Variants in TM7SF2 observed in about 807,000 individuals in gnomAD.
The protein encoded by TM7SF2 is delta(14)-sterol reductase TM7SF2.
Under a neutral mutation model 51.0 loss-of-function variants are expected in TM7SF2, and 51 were observed. The observed-to-expected ratio is 1.00, with a 90% CI of 0.80 to 1.26. TM7SF2 has a LOEUF of 1.26. Among genes scored for constraint, TM7SF2 ranks in the 50% most tolerant of loss-of-function variants. The probability of loss-of-function intolerance (pLI) is 0.00; values close to 1 mark genes in which losing one functional copy is unlikely to be tolerated. For missense variants in TM7SF2, 541 were observed against 547.4 expected, an observed-to-expected ratio of 0.99 and a Z score of 0.12; for synonymous variants, 255 against 241.0, an observed-to-expected ratio of 1.06 and a Z score of -0.54.
rs150748205 is a variant in TM7SF2 at position 65,116,073 on chromosome 11, G to A, written c.*20G>A. On this transcript the variant is annotated 3_prime_UTR_variant, in exon 10 of 10. Transcript: ENST00000279263. Reference sequence around the variant, plus strand: ...TACTGAAGCGGCTCCACCACCCCAGGTGGGGGCATGTGCCCACTCATCCAC... The same window carrying A: ...TACTGAAGCGGCTCCACCACCCCAGATGGGGGCATGTGCCCACTCATCCAC... The A allele has an allele frequency of 3.1e-6, 5 of 1,594,896 alleles. No individual in the cohort carries two copies. The highest frequency in any genetic ancestry group is 1.1e-5 in the South Asian group (1 of 90,690).
At chr11:65,112,998 G>T (rs1947929742) in intron 3 of TM7SF2, 133 bp downstream of exon 3, 20 of 1,193,894 alleles carry the variant, frequency 1.7e-5, no homozygotes, top group Non-Finnish European at 2.2e-5. Flanking sequence ...CAGGACAGAC[G>T]CCGGGGGCTC....
Position 65,116,086 on chromosome 11 carries a change from C to G in TM7SF2, c.*33C>G. On this transcript the variant is annotated 3_prime_UTR_variant, in exon 10 of 10. Coordinates refer to ENST00000279263, the MANE Select transcript of TM7SF2 (RefSeq NM_003273.6). ...CCACCACCCCAGGTGGGGGCATGTG[C>G]CCACTCATCCACCAGCACACCCAGG... is the stretch of plus-strand genomic sequence containing the variant. 3.8e-6 allele frequency: 6 copies of G among 1,589,272 alleles called. No individual in the cohort carries two copies. Among genetic ancestry groups the G allele is most frequent in the Non-Finnish European group, 5.1e-6 (6 of 1,170,982 alleles).
intron 4 of TM7SF2, 25 bp from the exon 5 acceptor site, chr11:65,113,466 A>G (rs906656115): frequency 6.2e-7 from 1 of 1,614,004 alleles, no homozygotes; most frequent in African/African-American, 1.3e-5. Flanking sequence ...GTCTGCCTGT[A>G]CATTCACTCT....
chr11:65,113,622 C>CAGGCCAGGGGGAGGGTT, intron 5 of TM7SF2, 28 bp downstream of exon 5: 2 of 1,590,352 alleles, frequency 1.3e-6, no homozygotes, highest in South Asian at 2.2e-5. Flanking sequence ...GAGCTGGCCT[C>CAGGCCAGGGGGAGGGTT]AGGCCAGGGG....
Position 65,115,025 on chromosome 11 carries a change from T to A in TM7SF2, c.836T>A (p.Leu279Gln). ...FTYSLQAQFL[L>Q]HHPQPLGLPM... is the part of the protein sequence containing the mutation. ...TACAGCCTGCAGGCCCAGTTCCTGC[T>A]GCACCACCCGCAGCCCCTGGGGTTG... The change falls in exon 7 of 10, where the codon CTG (leucine) becomes CAG (glutamine). Residue 279 changes from leucine to glutamine, a missense_variant. Transcript: ENST00000279263. 1.2e-6 allele frequency: 2 copies of A among 1,614,132 alleles called. No individual in the cohort carries two copies. The highest frequency in any genetic ancestry group is 1.7e-6 in the Non-Finnish European group (2 of 1,180,034).
chr11:65,116,024 C>T lies in TM7SF2; in HGVS notation c.1228C>T (p.Pro410Ser), dbSNP rs771788944. 11 of 1,610,460 alleles carry T rather than the reference C, an allele frequency of 6.8e-6. No individual in the cohort carries two copies. In the Middle Eastern group the frequency reaches 9.5e-4, roughly 140 times the overall value. ...LAWQEYCRRV[P>S]YRIMPYIY ...CTGGCAGGAGTACTGCCGGCGTGTG[C>T]CTTACCGCATCATGCCCTACATCTA... is the stretch of plus-strand genomic sequence containing the variant. The change falls in exon 10 of 10, where the codon CCT becomes TCT. Residue 410 changes from proline (P) to serine (S), a missense_variant. Physicochemically the swap from Pro to Ser is moderately conservative, Grantham distance 74. Transcript: ENST00000279263.
chr11:65,112,620 G>A lies in TM7SF2; in HGVS notation c.158G>A (p.Gly53Glu). The A allele has an allele frequency of 2.6e-6, 4 of 1,524,648 alleles. No individual in the cohort carries two copies. The highest frequency in any genetic ancestry group is 3.5e-6 in the Non-Finnish European group (4 of 1,139,972). The allele number at this position is 1,524,648 out of a possible 1,614,324, so 94.4% of individuals were successfully genotyped here. ...RLLGPPASLP[G>E]LEVLWSPRAL... is the part of the protein sequence containing the mutation. Reference sequence around the variant, plus strand: ...CTGGGTCCACCCGCGTCCCTGCCGGGGCTGGAGGTGCTGTGGAGCCCACGG... The same window carrying A: ...CTGGGTCCACCCGCGTCCCTGCCGGAGCTGGAGGTGCTGTGGAGCCCACGG... Residue 53 changes from glycine to glutamate, a missense_variant, in exon 2 of 10, where the codon GGG becomes GAG. Physicochemically the swap from Gly to Glu is moderately conservative, Grantham distance 98. Transcript: ENST00000279263.
intron 5 of TM7SF2, 132 bp downstream of exon 5, chr11:65,113,726 TC>T: frequency 1.2e-6 from 1 of 805,140 alleles, no homozygotes; most frequent in South Asian, 1.6e-5. Context: ...AAACATTTGT[TC>T]AATCCACCTG....
rs758455043 is a variant in TM7SF2 at position 65,113,234 on chromosome 11, G to T, written c.319G>T (p.Val107Leu). 41 of 1,601,456 alleles carry T rather than the reference G, an allele frequency of 2.6e-5. No individual in the cohort carries two copies. Among genetic ancestry groups the T allele is most frequent in the Non-Finnish European group, 3.4e-5 (40 of 1,179,172 alleles). Residue 107 changes from valine (V) to leucine (L), a missense_variant, in exon 4 of 10, where the codon GTG becomes TTG. By Grantham distance (32) the Val-to-Leu change is conservative. Transcript: ENST00000279263. ...CTGTGGTTCAGGCTTCCAGGCCCTG[G>T]TGCTGACAGCCCTGTTGGTGGGGCT... ...RYPINGFQAL[V>L]LTALLVGLGM...
chr11:65,114,518 G>A (rs1010614629), intron 5 of TM7SF2, among the ~76,000 whole-genome samples, 195 bp from the exon 6 acceptor site: 1 of 152,256 alleles, frequency 6.6e-6, no homozygotes, highest in Non-Finnish European at 1.5e-5. Flanking sequence ...TAGCCCGAAA[G>A]GGCTTAGGAC....
Position 65,115,046 on chromosome 11 carries a change from G to T in TM7SF2, c.857G>T (p.Gly286Val). The part of the protein sequence containing the change: ...QFLLHHPQPL[G>V]LPMASVICLI... ...CTGCTGCACCACCCGCAGCCCCTGG[G>T]GTTGCCCATGGCCTCTGTCATCTGC... The change falls in exon 7 of 10, where the codon GGG (glycine) becomes GTG (valine). Residue 286 changes from glycine to valine, a missense_variant. Coordinates refer to ENST00000279263, the MANE Select transcript of TM7SF2 (RefSeq NM_003273.6). 6 of 1,613,992 alleles carry T rather than the reference G, an allele frequency of 3.7e-6. No homozygotes were observed. Among genetic ancestry groups the T allele is most frequent in the Non-Finnish European group, 5.1e-6 (6 of 1,180,014 alleles).
Position 65,114,747 on chromosome 11 carries a change from C to CAGAG in TM7SF2, c.639_642dup (p.Leu215ArgfsTer23). Reference sequence around the variant, plus strand: ...AACCTGGCCCTGTTGATGAAGGAGGCAGAGCTTCGAGGCAGTCCCTCACTG... The same window carrying CAGAG: ...AACCTGGCCCTGTTGATGAAGGAGGCAGAGAGAGCTTCGAGGCAGTCCCTCACTG... On this transcript the variant is annotated frameshift_variant, in exon 6 of 10. Coordinates refer to ENST00000279263, the MANE Select transcript of TM7SF2 (RefSeq NM_003273.6). LOFTEE classifies it high-confidence loss of function. 6.2e-7 allele frequency: 1 copy of CAGAG among 1,614,248 alleles called. No homozygotes were observed. The highest frequency in any genetic ancestry group is 1.1e-5 in the South Asian group (1 of 91,088).
chr11:65,115,215 AG>A, intron 7 of TM7SF2, 98 bp from the exon 8 acceptor site: 1 of 1,593,182 alleles, frequency 6.3e-7, no homozygotes, highest in Non-Finnish European at 8.6e-7. Flanking sequence ...CTGGGGGTCC[AG>A]GCAGAGTCTG....
At chr11:65,115,211 G>A (rs914370953) in intron 7 of TM7SF2, 103 bp from the exon 8 acceptor site, 3 of 1,588,842 alleles carry the variant, frequency 1.9e-6, no homozygotes, top group Non-Finnish European at 2.6e-6. Context: ...GGTCCTGGGG[G>A]TCCAGGCAGA....
rs1346636893 is a variant in TM7SF2, at chr11:65,112,989, A to G, written c.304+124A>G. 4.0e-6 allele frequency: 5 copies of G among 1,247,888 alleles called. No homozygotes were observed. The East Asian group carries it at 1.3e-4, about 32-fold the overall frequency. 77.3% of individuals were successfully genotyped at this position (1,247,888 alleles called of 1,614,324 possible). Reference sequence around the variant, plus strand: ...TCCTTTGTGTGCCTCTGTTACGCCCAGGACAGACGCCGGGGGCTCTCCCTA... The same window carrying G: ...TCCTTTGTGTGCCTCTGTTACGCCCGGGACAGACGCCGGGGGCTCTCCCTA... On this transcript the variant is annotated intron_variant, in intron 3 of 9. Transcript: ENST00000279263.
chr11:65,112,762 C>G, intron 2 of TM7SF2, 49 bp from the exon 3 acceptor site: 2 of 1,549,198 alleles, frequency 1.3e-6, no homozygotes, highest in South Asian at 1.2e-5. Flanking sequence ...ATGGGCTCGG[C>G]GAGGGAAAGG....
chr11:65,114,656 T>C (rs1002937925), intron 5 of TM7SF2, 57 bp from the exon 6 acceptor site: 33 of 1,579,552 alleles, frequency 2.1e-5, no homozygotes, highest in Non-Finnish European at 2.8e-5. Context: ...GGCTGGCCAC[T>C]GCTCTGCCCA....
At chr11:65,113,811 G>A (rs186447026) in intron 5 of TM7SF2, 67 of 591,968 alleles carry the variant, frequency 1.1e-4, no homozygotes, top group Non-Finnish European at 1.7e-4. Context: ...CTACATTCTG[G>A]TGGGAAAGAC....
At chr11:65,115,283 CCTT>C in intron 7 of TM7SF2, 28 bp from the exon 8 acceptor site, 1 of 1,611,016 alleles carries the variant, frequency 6.2e-7, no homozygotes, top group South Asian at 1.1e-5. Flanking sequence ...CAACCCTTGA[CCTT>C]GACCACCGGT....
Sources: gnomAD v4.1 joint callset for allele counts (sites outside exome capture counted in the v4.1 genomes callset) on GRCh38, gnomAD v4.1.1 for gene constraint, MANE v1.5 for transcripts, NCBI Gene and HGNC (gene_info 2026-07-23, HGNC 2026-07-21) for gene names.